AFF2: variants seen among roughly 807,000 people sequenced by gnomAD.
AFF2 encodes AF4/FMR2 family member 2.
A neutral mutation model predicts 76.9 loss-of-function variants in AFF2; 14 were observed. That is an observed-to-expected ratio of 0.18 (90% CI 0.12 to 0.28). The LOEUF is 0.28. Among genes scored for constraint, AFF2 ranks in the 10% least tolerant of loss-of-function variants. The pLI, the probability that AFF2 is intolerant of heterozygous loss-of-function variation, is 1.00. For missense variants in AFF2, 868 were observed against 1,001.1 expected (o/e 0.87, Z 1.79); for synonymous variants, 398 against 366.7 (o/e 1.09, Z -0.98).
chrX:148,606,660 C>G (rs1422120240), intron 1 of AFF2, among the ~76,000 whole-genome samples: 1 of 111,722 alleles, frequency 9.0e-6, no homozygotes, highest in Non-Finnish European at 1.9e-5. Flanking sequence ...CTATACCATA[C>G]AGGAATTACC....
chrX:148,904,783 G>A (rs1342802595), intron 9 of AFF2, among the ~76,000 whole-genome samples: 1 of 111,805 alleles, frequency 8.9e-6, no homozygotes, highest in African/African-American at 3.3e-5. Context: ...CAATTCCCAA[G>A]GCATTTTATG....
chrX:148,904,476 C>T (rs1247836661), intron 9 of AFF2: 4 of 359,171 alleles, frequency 1.1e-5, no homozygotes, highest in Non-Finnish European at 1.9e-5. Context: ...AAGTTGTACC[C>T]AGTTTACATA....
intron 20 of AFF2, among the ~76,000 whole-genome samples, chrX:148,989,904 C>T (rs1557292077): frequency 8.9e-6 from 1 of 111,888 alleles, no homozygotes; most frequent in Non-Finnish European, 1.9e-5. Flanking sequence ...TTATACTGCT[C>T]ATTTGGAGCA....
At chrX:148,630,729 T>C (rs2053971374) in intron 1 of AFF2, among the ~76,000 whole-genome samples, 1 of 112,047 alleles carries the variant, frequency 8.9e-6, no homozygotes, top group South Asian at 3.7e-4. Flanking sequence ...CAAGGAAACC[T>C]GCTGGTGGAG....
chrX:148,705,245 G>A (rs1426097720), intron 3 of AFF2, among the ~76,000 whole-genome samples: 3 of 111,728 alleles, frequency 2.7e-5, no homozygotes, highest in African/African-American at 9.8e-5. Context: ...CAGTGAGTAT[G>A]TCATAAATGT....
chrX:148,826,652 C>T (rs901028000), intron 4 of AFF2, among the ~76,000 whole-genome samples: 2 of 111,925 alleles, frequency 1.8e-5, no homozygotes, highest in Non-Finnish European at 1.9e-5. Context: ...CCTTCTTCAT[C>T]AGTCAAATAT....
Position 148,999,565 on chromosome X carries a change from G to C in AFF2, c.*8233G>C, listed in dbSNP as rs2072650509. ...TTGTGGCAAGCCATAACTGCACAAA[G>C]AGTACACATCGTCAGTGTGTGTGTG... On this transcript the variant is annotated 3_prime_UTR_variant, in exon 21 of 21. Transcript: ENST00000370460. 1.8e-5 allele frequency: 2 copies of C among 111,415 alleles called. No individual in the cohort carries two copies. The highest frequency in any genetic ancestry group is 6.6e-5 in the African/African-American group (2 of 30,503). 9.2% of individuals were successfully genotyped at this position (111,415 alleles called of 1,213,427 possible).
intron 3 of AFF2, among the ~76,000 whole-genome samples, chrX:148,749,947 C>CTTCA (rs2055476288): frequency 2.0e-5 from 2 of 101,739 alleles, no homozygotes; most frequent in Admixed American, 1.0e-4. Context: ...GGCCTGCACC[C>CTTCA]TTTATTTATT....
intron 8 of AFF2, among the ~76,000 whole-genome samples, chrX:148,893,263 A>G (rs1237283639): frequency 2.7e-5 from 3 of 112,240 alleles, no homozygotes; most frequent in Non-Finnish European, 3.8e-5. Flanking sequence ...ATTTGGCTAT[A>G]TTAGCACAGA....
rs1325580494 is a variant in AFF2, at chrX:148,997,509, C to G, written c.*6177C>G. ...AAAAATTTCCATTTTCTCTCTGGGCCTGTATCCATGGTTGAATGTTAGCCC... is the reference window on the plus strand; with the variant it reads ...AAAAATTTCCATTTTCTCTCTGGGCGTGTATCCATGGTTGAATGTTAGCCC... On this transcript the variant is annotated 3_prime_UTR_variant, in exon 21 of 21. Transcript: ENST00000370460. 1 of 112,144 alleles carries G rather than the reference C, an allele frequency of 8.9e-6. No homozygotes were observed. The allele number at this position is 112,144 out of a possible 1,213,427, so 9.2% of individuals were successfully genotyped here.
chrX:148,624,006 A>T (rs1480393734), intron 1 of AFF2, among the ~76,000 whole-genome samples: 1 of 112,137 alleles, frequency 8.9e-6, no homozygotes, highest in Non-Finnish European at 1.9e-5. Flanking sequence ...CAAAAACTAC[A>T]CATCTAATTT....
intron 16 of AFF2, among the ~76,000 whole-genome samples, chrX:148,974,465 G>A (rs912222218): frequency 2.7e-5 from 3 of 111,501 alleles, no homozygotes; most frequent in Non-Finnish European, 5.7e-5. Context: ...CATCTGGCTT[G>A]ATTAATCAAT....
intron 3 of AFF2, among the ~76,000 whole-genome samples, chrX:148,792,668 A>C (rs953162472): frequency 2.7e-5 from 3 of 112,033 alleles, no homozygotes; most frequent in Admixed American, 1.9e-4. Flanking sequence ...ATTTGTGAAA[A>C]AGTGTTTTCT....
At chrX:148,813,128 A>C (rs1603305349) in intron 4 of AFF2, among the ~76,000 whole-genome samples, 1 of 112,508 alleles carries the variant, frequency 8.9e-6, no homozygotes, top group African/African-American at 3.2e-5. Context: ...GGAGTAAGGT[A>C]GTTTCTTATT....
intron 7 of AFF2, among the ~76,000 whole-genome samples, chrX:148,874,495 A>G (rs2071013880): frequency 9.0e-6 from 1 of 111,528 alleles, no homozygotes; most frequent in Admixed American, 9.5e-5. Flanking sequence ...ACACTTGGTA[A>G]ATGCAAGAGC....
chrX:148,726,027 TAGA>T (rs1388904028), intron 3 of AFF2, among the ~76,000 whole-genome samples: 6 of 111,760 alleles, frequency 5.4e-5, no homozygotes, highest in Admixed American at 4.7e-4. Flanking sequence ...ATTGACTTGC[TAGA>T]AGGACTTGTG....
At chrX:148,736,700 C>G (rs1557265110) in intron 3 of AFF2, among the ~76,000 whole-genome samples, 1 of 111,776 alleles carries the variant, frequency 8.9e-6, no homozygotes, top group Admixed American at 9.5e-5. Flanking sequence ...AAGCTAATGT[C>G]TAGAAGGGTT....
intron 3 of AFF2, among the ~76,000 whole-genome samples, chrX:148,731,729 A>C (rs1319898113): frequency 1.0e-5 from 1 of 98,541 alleles, no homozygotes; most frequent in Non-Finnish European, 2.0e-5. Flanking sequence ...ATTTACAAGA[A>C]AAAAACAAAC....
intron 3 of AFF2, among the ~76,000 whole-genome samples, chrX:148,743,952 A>G (rs910311574): frequency 8.1e-5 from 9 of 111,067 alleles, no homozygotes; most frequent in Non-Finnish European, 1.7e-4. Context: ...AAATATGTGT[A>G]TATGAAATAT....
Sources: allele counts gnomAD v4.1 joint callset (sites outside exome capture counted in the v4.1 genomes callset), GRCh38; gene constraint gnomAD v4.1.1; transcripts MANE v1.5; gene names NCBI Gene and HGNC (gene_info 2026-07-23, HGNC 2026-07-21).